The following NLGN1 variants were observed in gnomAD, a reference collection of about 807,000 sequenced individuals.
The protein encoded by NLGN1 is neuroligin-1.
NLGN1 carries 12 observed loss-of-function variants against 65.5 expected under a neutral mutation model. The observed-to-expected ratio is 0.18, with a 90% CI of 0.12 to 0.30. The LOEUF (loss-of-function observed/expected upper bound fraction) is 0.30. Ranked by LOEUF, NLGN1 falls within the 10% of genes least tolerant of loss-of-function variation. The pLI, the probability that NLGN1 is intolerant of heterozygous loss-of-function variation, is 1.00. For missense variants in NLGN1, 750 were observed against 1,007.1 expected, an observed-to-expected ratio of 0.74 and a Z score of 3.46; for synonymous variants, 350 against 359.5, an observed-to-expected ratio of 0.97 and a Z score of 0.30.
intron 3 of NLGN1, among the ~76,000 whole-genome samples, chr3:173,728,152 T>A (rs986209283): frequency 3.3e-5 from 5 of 151,914 alleles, no homozygotes; most frequent in Non-Finnish European, 7.4e-5. Flanking sequence ...GGCACTAAGG[T>A]TGGGTAGAAT....
chr3:173,451,293 C>A (rs1408095904), intron 2 of NLGN1, among the ~76,000 whole-genome samples: 1 of 152,198 alleles, frequency 6.6e-6, no homozygotes, highest in Non-Finnish European at 1.5e-5. Flanking sequence ...GGACCCTCAG[C>A]TGCAGGTCAG....
At chr3:174,026,500 A>C (rs936972105) in intron 4 of NLGN1, among the ~76,000 whole-genome samples, 8 of 152,126 alleles carry the variant, frequency 5.3e-5, no homozygotes, top group African/African-American at 1.9e-4. Flanking sequence ...TGATGAGTGA[A>C]AAAAAATAGT....
At chr3:174,119,362 T>A (rs1040913221) in intron 4 of NLGN1, among the ~76,000 whole-genome samples, 1 of 152,210 alleles carries the variant, frequency 6.6e-6, no homozygotes, top group Non-Finnish European at 1.5e-5. Context: ...AGACAACATC[T>A]TCTACATTAT....
At chr3:174,129,584 G>T (rs1473985422) in intron 4 of NLGN1, among the ~76,000 whole-genome samples, 1 of 152,070 alleles carries the variant, frequency 6.6e-6, no homozygotes, top group South Asian at 2.1e-4. Context: ...TTTTTTTGAG[G>T]GCGTTGACTT....
At chr3:173,411,660 A>G (rs1336392963) in intron 1 of NLGN1, among the ~76,000 whole-genome samples, 2 of 152,118 alleles carry the variant, frequency 1.3e-5, no homozygotes, top group African/African-American at 4.8e-5. Flanking sequence ...TGAGGAAAAA[A>G]GGCCACGGAA....
intron 4 of NLGN1, among the ~76,000 whole-genome samples, chr3:174,153,156 T>C (rs1724724542): frequency 6.6e-6 from 1 of 152,148 alleles, no homozygotes; most frequent in African/African-American, 2.4e-5. Context: ...AAATGGCACT[T>C]CTTGAAGAGG....
At chr3:173,969,996 C>T (rs748510928) in intron 4 of NLGN1, among the ~76,000 whole-genome samples, 4 of 151,494 alleles carry the variant, frequency 2.6e-5, no homozygotes, top group Non-Finnish European at 4.4e-5. Flanking sequence ...TAAGTGAACT[C>T]TATACTAGTT....
intron 4 of NLGN1, among the ~76,000 whole-genome samples, chr3:173,951,355 G>A (rs530618723): frequency 1.4e-4 from 22 of 152,066 alleles, no homozygotes; most frequent in Non-Finnish European, 1.2e-4. Flanking sequence ...AACCTTTTTA[G>A]CAATTTTGAT....
intron 3 of NLGN1, among the ~76,000 whole-genome samples, chr3:173,679,172 T>G (rs1577911497): frequency 2.6e-5 from 4 of 151,468 alleles, no homozygotes; most frequent in Admixed American, 2.6e-4. Context: ...TAGAAATGAT[T>G]TAGAGTTGAT....
At chr3:173,773,226 C>T (rs1197016708) in intron 3 of NLGN1, among the ~76,000 whole-genome samples, 4 of 152,284 alleles carry the variant, frequency 2.6e-5, no homozygotes, top group East Asian at 3.9e-4. Context: ...GCTTCTCATA[C>T]CAGACTGGAA....
At chr3:174,185,582 T>C (rs995760925) in intron 4 of NLGN1, among the ~76,000 whole-genome samples, 1 of 152,124 alleles carries the variant, frequency 6.6e-6, no homozygotes, top group African/African-American at 2.4e-5. Context: ...TAGTCAATCA[T>C]AGTATGTACT....
At chr3:173,655,808 G>T (rs1052354620) in intron 3 of NLGN1, among the ~76,000 whole-genome samples, 13 of 151,912 alleles carry the variant, frequency 8.6e-5, no homozygotes, top group Non-Finnish European at 1.3e-4. Flanking sequence ...AGAGCGTGAG[G>T]TTCTCAATGG....
chr3:173,768,073 GTC>G (rs1337362367), intron 3 of NLGN1, among the ~76,000 whole-genome samples: 2 of 151,798 alleles, frequency 1.3e-5, no homozygotes, highest in African/African-American at 4.8e-5. Context: ...ACCTGAAATT[GTC>G]TCTCAAATAT....
At chr3:174,184,712 C>T (rs1195988567) in intron 4 of NLGN1, among the ~76,000 whole-genome samples, 1 of 152,090 alleles carries the variant, frequency 6.6e-6, no homozygotes, top group African/African-American at 2.4e-5. Context: ...AAGGTGTAGT[C>T]AGGAGACAAT....
In NLGN1 at chr3:173,922,774, C is replaced by A. The variant is rs750020672; in HGVS notation, c.646+114942C>A. Among the ~76,000 whole-genome samples the A allele has an allele frequency of 5.3e-5, 8 of 152,180 alleles. No homozygotes were observed. In the East Asian group the frequency reaches 1.6e-3, roughly 30 times the overall value. ...CGTCTCTGGAAAGCAATTTCCCCAA[C>A]TGATAGAATAATATTTTAATGGAGT... is the stretch of plus-strand genomic sequence containing the variant. On this transcript the variant is annotated intron_variant, in intron 4 of 6. Coordinates refer to ENST00000457714, the Ensembl canonical transcript of NLGN1.
At chr3:173,945,414 T>C (rs1746965660) in intron 4 of NLGN1, among the ~76,000 whole-genome samples, 2 of 152,060 alleles carry the variant, frequency 1.3e-5, no homozygotes, top group African/African-American at 2.4e-5. Context: ...CTCTAAGTGG[T>C]TTGGGAATAA....
At chr3:173,643,520 A>C in intron 3 of NLGN1, among the ~76,000 whole-genome samples, 1 of 152,216 alleles carries the variant, frequency 6.6e-6, no homozygotes, top group Non-Finnish European at 1.5e-5. Context: ...TGAGCAAAGT[A>C]CTTCAAAGTA....
At chr3:174,128,016 T>C (rs544456047) in intron 4 of NLGN1, among the ~76,000 whole-genome samples, 40 of 152,130 alleles carry the variant, frequency 2.6e-4, no homozygotes, top group Non-Finnish European at 5.0e-4. Context: ...ATTTTCTCAA[T>C]GTGTACAAAA....
At chr3:174,154,386 G>T (rs569547879) in intron 4 of NLGN1, among the ~76,000 whole-genome samples, 2 of 152,006 alleles carry the variant, frequency 1.3e-5, no homozygotes, top group African/African-American at 2.4e-5. Flanking sequence ...TTAATCTAGG[G>T]CTCCCTGTTC....
Sources: allele counts gnomAD v4.1 joint callset (sites outside exome capture counted in the v4.1 genomes callset), GRCh38; gene constraint gnomAD v4.1.1; transcripts MANE v1.5; gene names NCBI Gene and HGNC (gene_info 2026-07-23, HGNC 2026-07-21).